Variants in CCL28 observed in about 807,000 individuals in gnomAD.
CCL28 encodes C-C motif chemokine 28.
A neutral mutation model predicts 7.1 loss-of-function variants in CCL28; 4 were observed. The ratio of observed to expected loss-of-function variants is 0.56; its 90% CI spans 0.28 to 1.29. The LOEUF is 1.29. Among genes scored for constraint, CCL28 ranks in the 50% most tolerant of loss-of-function variants. CCL28 has a pLI of 0.11. For synonymous variants in CCL28, 55 were observed against 57.8 expected (o/e 0.95, Z 0.22); for missense variants, 151 against 163.4 (o/e 0.92, Z 0.41).
At chr5:43,391,105 G>A (rs913857719) in intron 1 of CCL28, among the ~76,000 whole-genome samples, 2 of 152,124 alleles carry the variant, frequency 1.3e-5, no homozygotes, top group Non-Finnish European at 2.9e-5. Flanking sequence ...ATGTGGCAAG[G>A]GCTATGTGAT....
chr5:43,385,576 G>C (rs1321613301), intron 2 of CCL28, among the ~76,000 whole-genome samples: 2 of 152,092 alleles, frequency 1.3e-5, no homozygotes, highest in East Asian at 3.8e-4. Flanking sequence ...CTGAAAACAA[G>C]AGAATCTTTA....
chr5:43,358,173 T>A, the CCL28 span, among the ~76,000 whole-genome samples: 109 of 152,310 alleles, frequency 7.2e-4, no homozygotes, highest in Admixed American at 9.8e-4. Context: ...GCTGTAATAT[T>A]TAATAAGTGC....
chr5:43,392,526 G>A (rs1248288316), intron 1 of CCL28, among the ~76,000 whole-genome samples: 1 of 152,196 alleles, frequency 6.6e-6, no homozygotes, highest in Non-Finnish European at 1.5e-5. Flanking sequence ...GAATTGCTAG[G>A]TTGTAGGATA....
intron 1 of CCL28, among the ~76,000 whole-genome samples, chr5:43,392,093 A>AT (rs1740595638): frequency 6.6e-6 from 1 of 151,784 alleles, no homozygotes; most frequent in Middle Eastern, 3.4e-3. Flanking sequence ...AGGCTTGAAC[A>AT]TTTGCATATC....
At chr5:43,372,732 C>G (rs1264552296), downstream of CCL28, among the ~76,000 whole-genome samples, 1 of 149,838 alleles carries the variant, frequency 6.7e-6, no homozygotes, top group Non-Finnish European at 1.5e-5. Flanking sequence ...TTGATGGACA[C>G]TTAGGTAGTT....
intron 1 of CCL28, 39 bp downstream of exon 1, chr5:43,412,214 T>C (rs1741559359): frequency 6.4e-7 from 1 of 1,566,272 alleles, no homozygotes; most frequent in South Asian, 1.2e-5. Context: ...GATACCCCCC[T>C]TTCCAGTGAA....
At chr5:43,369,072 GA>G in the CCL28 span, among the ~76,000 whole-genome samples, 2 of 136,712 alleles carry the variant, frequency 1.5e-5, no homozygotes, top group African/African-American at 6.1e-5. Flanking sequence ...GAGAGAGAGA[GA>G]GAGAGAGAGA....
At chr5:43,369,325 T>A in the CCL28 span, among the ~76,000 whole-genome samples, 1 of 152,166 alleles carries the variant, frequency 6.6e-6, no homozygotes. Context: ...CTTAAAAAAT[T>A]GAGACAAAAA....
chr5:43,407,153 T>A (rs940001384), intron 1 of CCL28, among the ~76,000 whole-genome samples: 7 of 152,132 alleles, frequency 4.6e-5, no homozygotes, highest in Non-Finnish European at 7.3e-5. Flanking sequence ...TTAAACTTCA[T>A]ATGGAACCAA....
chr5:43,383,644 C>T (rs1007872079), intron 2 of CCL28, among the ~76,000 whole-genome samples: 1 of 152,004 alleles, frequency 6.6e-6, no homozygotes, highest in African/African-American at 2.4e-5. Context: ...TAGGAGAAAA[C>T]GTGGCTGTAG....
intron 2 of CCL28, among the ~76,000 whole-genome samples, chr5:43,387,836 G>A (rs112477563): frequency 0.18 from 27,577 of 152,090 alleles, 2,731 homozygotes; most frequent in Middle Eastern, 0.27. Context: ...ATGTTGCCCA[G>A]GCTGGTCTTG....
At chr5:43,366,389 CTGTT>C in the CCL28 span, among the ~76,000 whole-genome samples, 1 of 152,202 alleles carries the variant, frequency 6.6e-6, no homozygotes, top group Non-Finnish European at 1.5e-5. Context: ...CTATTCCTTT[CTGTT>C]TGTTAGTTTT....
rs373467781 is a variant in CCL28, at chr5:43,388,332, C to A, written c.191+18G>T. Reference sequence around the variant, plus strand: ...AATCACTGTGCAGGTTTAGACCTCCCGGCTGATGAGCACTCACATGACAGC... The same window carrying A: ...AATCACTGTGCAGGTTTAGACCTCCAGGCTGATGAGCACTCACATGACAGC... On this transcript the variant is annotated intron_variant, in intron 2 of 2. Transcript: ENST00000361115. 9.3e-6 allele frequency: 15 copies of A among 1,613,550 alleles called. No homozygotes were observed. The African/African-American group carries it at 2.0e-4, about 22-fold the overall frequency.
the CCL28 span, among the ~76,000 whole-genome samples, chr5:43,359,038 G>A: frequency 9.2e-5 from 14 of 152,306 alleles, no homozygotes; most frequent in African/African-American, 2.6e-4. Flanking sequence ...TTCAGGGACT[G>A]AAACCATGTT....
At chr5:43,412,213 C>T (rs1255594019) in intron 1 of CCL28, 40 bp downstream of exon 1, 2 of 1,561,434 alleles carry the variant, frequency 1.3e-6, no homozygotes, top group Non-Finnish European at 8.8e-7. Context: ...AGATACCCCC[C>T]TTTCCAGTGA....
At chr5:43,395,902 C>A (rs939788028) in intron 1 of CCL28, among the ~76,000 whole-genome samples, 1 of 118,578 alleles carries the variant, frequency 8.4e-6, no homozygotes, top group Non-Finnish European at 1.6e-5. Context: ...CGCTCTGTAT[C>A]GCTCTGTTGC....
the CCL28 span, among the ~76,000 whole-genome samples, chr5:43,359,888 C>G: frequency 6.6e-6 from 1 of 152,132 alleles, no homozygotes; most frequent in South Asian, 2.1e-4. Context: ...GAGGCAGATT[C>G]AATGCATGAG....
At chr5:43,361,592 A>T in the CCL28 span, among the ~76,000 whole-genome samples, 2 of 152,160 alleles carry the variant, frequency 1.3e-5, no homozygotes, top group Non-Finnish European at 2.9e-5. Flanking sequence ...GGCACTGCCT[A>T]GGTTGTCTTC....
At chr5:43,383,974 C>T (rs1011518515) in intron 2 of CCL28, 4 of 180,226 alleles carry the variant, frequency 2.2e-5, no homozygotes, top group Non-Finnish European at 4.9e-5. Context: ...CCTGTAATCC[C>T]AGCTACTTGG....
Sources: gnomAD v4.1 joint callset for allele counts (sites outside exome capture counted in the v4.1 genomes callset) on GRCh38, gnomAD v4.1.1 for gene constraint, MANE v1.5 for transcripts, NCBI Gene and HGNC (gene_info 2026-07-23, HGNC 2026-07-21) for gene names.